The following ZC3H12B variants were observed in gnomAD, a reference collection of about 807,000 sequenced individuals.
ZC3H12B encodes the protein zinc finger CCCH-type containing 12B, also known as probable ribonuclease ZC3H12B.
Under a neutral mutation model 43.9 loss-of-function variants are expected in ZC3H12B, and 7 were observed. The observed-to-expected ratio is 0.16, with a 90% CI of 0.09 to 0.30. The LOEUF is 0.30. Among genes scored for constraint, ZC3H12B ranks in the 10% least tolerant of loss-of-function variants. The pLI is 1.00. For synonymous variants in ZC3H12B, 222 were observed against 241.7 expected, an observed-to-expected ratio of 0.92 and a Z score of 0.76; for missense variants, 475 against 670.2, an observed-to-expected ratio of 0.71 and a Z score of 3.22.
intron 3 of ZC3H12B, among the ~76,000 whole-genome samples, chrX:65,452,743 A>G (rs1442177291): frequency 9.1e-6 from 1 of 109,842 alleles, no homozygotes; most frequent in African/African-American, 3.3e-5. Context: ...CGGGAGGCTG[A>G]GGCAGGAGAA....
chrX:65,178,665 C>T, the ZC3H12B span, among the ~76,000 whole-genome samples: 1 of 112,487 alleles, frequency 8.9e-6, no homozygotes, highest in Non-Finnish European at 1.9e-5. Flanking sequence ...AAGAAAAGCT[C>T]ACCAACACTA....
the ZC3H12B span, among the ~76,000 whole-genome samples, chrX:65,319,000 A>G: frequency 3.6e-5 from 4 of 111,358 alleles, no homozygotes; most frequent in Admixed American, 3.8e-4. Context: ...ACAACCTAAC[A>G]TTACACCTAG....
At chrX:65,091,053 G>T in the ZC3H12B span, among the ~76,000 whole-genome samples, 35 of 111,079 alleles carry the variant, frequency 3.2e-4, 1 homozygote, top group East Asian at 9.3e-3. Context: ...TGTACAACCT[G>T]CACAACTGTG....
At chrX:65,310,721 G>A in the ZC3H12B span, among the ~76,000 whole-genome samples, 4 of 111,700 alleles carry the variant, frequency 3.6e-5, no homozygotes, top group South Asian at 3.7e-4. Flanking sequence ...AAAGCTGGAG[G>A]CATCATGCTA....
chrX:65,277,447 G>A, the ZC3H12B span, among the ~76,000 whole-genome samples: 1 of 111,290 alleles, frequency 9.0e-6, no homozygotes, highest in Non-Finnish European at 1.9e-5. Context: ...ACAATCTACA[G>A]GATTGGCCAT....
At chrX:65,422,133 C>A (rs933756984) in intron 3 of ZC3H12B, among the ~76,000 whole-genome samples, 4 of 110,997 alleles carry the variant, frequency 3.6e-5, no homozygotes, top group African/African-American at 1.3e-4. Context: ...CTCCATAGGA[C>A]TATATATGCT....
intron 3 of ZC3H12B, among the ~76,000 whole-genome samples, chrX:65,467,272 A>C (rs768393310): frequency 9.1e-6 from 1 of 109,801 alleles, no homozygotes; most frequent in Non-Finnish European, 1.9e-5. Flanking sequence ...GCTGCAAAAG[A>C]CATTATTTTA....
At chrX:65,276,404 G>T in the ZC3H12B span, among the ~76,000 whole-genome samples, 5 of 111,097 alleles carry the variant, frequency 4.5e-5, no homozygotes, top group Admixed American at 9.6e-5. Flanking sequence ...GAGTCAAATT[G>T]TCAAACATTA....
At chrX:65,400,977 A>C (rs1403792321) in intron 3 of ZC3H12B, among the ~76,000 whole-genome samples, 1 of 110,688 alleles carries the variant, frequency 9.0e-6, no homozygotes, top group Non-Finnish European at 1.9e-5. Flanking sequence ...TTTCCAAGGA[A>C]ACAATATTAC....
the ZC3H12B span, among the ~76,000 whole-genome samples, chrX:65,201,376 C>T: frequency 4.5e-5 from 5 of 111,076 alleles, no homozygotes; most frequent in East Asian, 2.8e-4. Flanking sequence ...TTTGTTTTTC[C>T]GTGTGGTCAG....
rs185131066 is a variant in ZC3H12B at position 65,444,696 on chromosome X, G to A, written n.408-43950G>A. Reference sequence around the variant, plus strand: ...AAATGTGAAAGCAACTTTGGAACTAGGTAACAGGCAGAGATTGGAACAGTT... The same window carrying A: ...AAATGTGAAAGCAACTTTGGAACTAAGTAACAGGCAGAGATTGGAACAGTT... On this transcript the variant is annotated intron_variant and non_coding_transcript_variant, in intron 3 of 5. Transcript: ENST00000617377. 2.1e-4 allele frequency among the ~76,000 whole-genome samples: 24 copies of A among 111,995 alleles called. No homozygotes were observed. In the East Asian group the frequency reaches 6.7e-3, roughly 31 times the overall value.
At chrX:65,048,054 T>C in the ZC3H12B span, among the ~76,000 whole-genome samples, 5 of 111,242 alleles carry the variant, frequency 4.5e-5, no homozygotes, top group African/African-American at 1.6e-4. Flanking sequence ...TAAAACTCTA[T>C]ACTCATTGAA....
chrX:65,381,769 G>A (rs2066443712), intron 2 of ZC3H12B, among the ~76,000 whole-genome samples: 1 of 111,466 alleles, frequency 9.0e-6, no homozygotes, highest in African/African-American at 3.3e-5. Flanking sequence ...TGATAAAGGG[G>A]ATATCACCAC....
At chrX:65,306,652 G>A in the ZC3H12B span, among the ~76,000 whole-genome samples, 11 of 112,039 alleles carry the variant, frequency 9.8e-5, no homozygotes, top group African/African-American at 3.6e-4. Flanking sequence ...TAGGATTACA[G>A]GCATGAGCCA....
chrX:65,273,144 G>A, the ZC3H12B span: 1 of 112,283 alleles, frequency 8.9e-6, no homozygotes, highest in Non-Finnish European at 1.9e-5. Flanking sequence ...TGAATTTCCA[G>A]GATTGGTCTT....
the ZC3H12B span, among the ~76,000 whole-genome samples, chrX:65,233,848 A>T: frequency 1.8e-5 from 2 of 111,627 alleles, no homozygotes; most frequent in East Asian, 2.8e-4. Context: ...ACTATGAAAA[A>T]CAGGGAAGAC....
At chrX:65,298,613 G>C in the ZC3H12B span, among the ~76,000 whole-genome samples, 2 of 111,380 alleles carry the variant, frequency 1.8e-5, no homozygotes, top group African/African-American at 6.5e-5. Flanking sequence ...ATACCCAAAG[G>C]AAATGAAATC....
chrX:65,163,435 T>C, the ZC3H12B span, among the ~76,000 whole-genome samples: 5 of 111,439 alleles, frequency 4.5e-5, no homozygotes. Context: ...AGTTCGAGCT[T>C]CCTGGCTGCT....
At chrX:65,127,677 C>A in the ZC3H12B span, among the ~76,000 whole-genome samples, 1 of 110,971 alleles carries the variant, frequency 9.0e-6, no homozygotes, top group South Asian at 3.8e-4. Flanking sequence ...AGCTCAGCCT[C>A]TTCTTGGGCA....
Sources: gnomAD v4.1 joint callset for allele counts (sites outside exome capture counted in the v4.1 genomes callset) on GRCh38, gnomAD v4.1.1 for gene constraint, MANE v1.5 for transcripts, NCBI Gene and HGNC (gene_info 2026-07-23, HGNC 2026-07-21) for gene names.